The following PPP2R2B variants were observed in gnomAD, a reference collection of about 807,000 sequenced individuals.
PPP2R2B encodes serine/threonine-protein phosphatase 2A 55 kDa regulatory subunit B beta isoform.
PPP2R2B carries 5 observed loss-of-function variants against 46.0 expected under a neutral mutation model. That is an observed-to-expected ratio of 0.11 (90% CI 0.06 to 0.23). PPP2R2B has a LOEUF of 0.23. Among genes scored for constraint, PPP2R2B ranks in the 10% least tolerant of loss-of-function variants. PPP2R2B has a pLI of 1.00. For missense variants in PPP2R2B, 367 were observed against 575.0 expected, an observed-to-expected ratio of 0.64 and a Z score of 3.70; for synonymous variants, 215 against 206.7, an observed-to-expected ratio of 1.04 and a Z score of -0.34.
At chr5:146,627,545 G>T (rs2151065734) in intron 7 of PPP2R2B, among the ~76,000 whole-genome samples, 1 of 152,278 alleles carries the variant, frequency 6.6e-6, no homozygotes, top group South Asian at 2.1e-4. Flanking sequence ...GCCAGATGGG[G>T]ATTGTATAAA....
rs191470785 is a variant in PPP2R2B, at chr5:146,909,469, T to C, written c.79+146196A>G. The stretch of plus-strand genomic sequence containing the variant: ...CTTAAGAGGTCAGTAAAGCTCTTCA[T>C]TTCAAAACCTGATTTATTTGCATTC... On this transcript the variant is annotated intron_variant, in intron 1 of 8. Transcript: ENST00000336640. 3.3e-3 allele frequency among the ~76,000 whole-genome samples: 504 copies of C among 152,350 alleles called. 3 individuals carry two copies. The highest frequency in any genetic ancestry group is 6.8e-3 in the Middle Eastern group (2 of 294).
chr5:146,772,902 G>A (rs779542032), intron 2 of PPP2R2B, among the ~76,000 whole-genome samples: 3 of 152,144 alleles, frequency 2.0e-5, no homozygotes, highest in African/African-American at 4.8e-5. Context: ...TATCATTTAA[G>A]GGTTTTGATT....
At chr5:146,591,342 G>A (rs1363728252) in intron 9 of PPP2R2B, among the ~76,000 whole-genome samples, 1 of 152,172 alleles carries the variant, frequency 6.6e-6, no homozygotes, top group African/African-American at 2.4e-5. Context: ...TTAAGCAAAG[G>A]TTAGATTTTG....
chr5:146,673,234 T>C (rs1777486551), intron 5 of PPP2R2B, among the ~76,000 whole-genome samples: 2 of 152,232 alleles, frequency 1.3e-5, no homozygotes, highest in African/African-American at 4.8e-5. Context: ...TTCCAGAATC[T>C]ATCTTACCAC....
chr5:146,601,367 C>T (rs777992176), intron 7 of PPP2R2B, among the ~76,000 whole-genome samples: 13 of 152,078 alleles, frequency 8.5e-5, no homozygotes, highest in South Asian at 4.2e-4. Context: ...GAGGCCTAGG[C>T]GGGAAGATCA....
At chr5:146,893,725 G>A (rs1230011021) in intron 1 of PPP2R2B, among the ~76,000 whole-genome samples, 1 of 152,078 alleles carries the variant, frequency 6.6e-6, no homozygotes, top group Non-Finnish European at 1.5e-5. Context: ...TGGGTGGGAG[G>A]AAAGGTGGGG....
intron 2 of PPP2R2B, among the ~76,000 whole-genome samples, chr5:146,864,138 T>A (rs1398800388): frequency 6.6e-6 from 1 of 152,194 alleles, no homozygotes; most frequent in Non-Finnish European, 1.5e-5. Context: ...TATTTATCTA[T>A]TTCACAATTA....
intron 2 of PPP2R2B, among the ~76,000 whole-genome samples, chr5:146,821,002 A>G (rs1758225464): frequency 6.6e-6 from 1 of 152,048 alleles, no homozygotes; most frequent in Non-Finnish European, 1.5e-5. Flanking sequence ...ATCGCCTTCT[A>G]ATAGGCCTCC....
chr5:146,880,680 G>A (rs543853386), upstream of PPP2R2B, among the ~76,000 whole-genome samples: 141 of 152,296 alleles, frequency 9.3e-4, no homozygotes, highest in African/African-American at 3.2e-3. Context: ...GAATCAGGTA[G>A]GCCCAGGCTC....
chr5:147,074,104 C>G lies in PPP2R2B; in HGVS notation c.50+6955G>C, dbSNP rs2151912111. 2.0e-5 allele frequency among the ~76,000 whole-genome samples: 3 copies of G among 152,090 alleles called. No homozygotes were observed. In the Middle Eastern group the frequency reaches 0.01, roughly 528 times the overall value. ...CAGGTCCTTTGACTCCATCCCAGAC[C>G]TAGTGAATCAGAATCTCTAGAGGTA... On this transcript the variant is annotated intron_variant, in intron 2 of 10. Transcript: ENST00000394413.
chr5:146,734,925 C>A (rs988045170), intron 2 of PPP2R2B, among the ~76,000 whole-genome samples: 4 of 152,148 alleles, frequency 2.6e-5, no homozygotes, highest in African/African-American at 9.7e-5. Context: ...TTATTACCCG[C>A]CCCTTTCTCT....
intron 2 of PPP2R2B, among the ~76,000 whole-genome samples, chr5:147,076,172 A>T (rs2151912845): frequency 6.6e-6 from 1 of 152,270 alleles, no homozygotes; most frequent in South Asian, 2.1e-4. Flanking sequence ...AGGTGTTCAT[A>T]ACAATGTTAT....
chr5:146,628,403 C>T (rs1280891559), intron 7 of PPP2R2B, among the ~76,000 whole-genome samples: 2 of 152,216 alleles, frequency 1.3e-5, no homozygotes, highest in African/African-American at 4.8e-5. Context: ...TGCAGAAGGG[C>T]CTTGCTGCTA....
intron 5 of PPP2R2B, among the ~76,000 whole-genome samples, chr5:146,655,089 A>C (rs968963539): frequency 6.6e-6 from 1 of 152,116 alleles, no homozygotes; most frequent in African/African-American, 2.4e-5. Flanking sequence ...TGTGTTGAGC[A>C]GCTGGAATTC....
rs77458770 is a variant in PPP2R2B, at chr5:146,923,409, G to T, written c.79+132256C>A. ...GAGCGCTCTCAAGTGTGTTTGACAC[G>T]AGTGAACTGTGTTCGAGTTGATTCT... On this transcript the variant is annotated intron_variant, in intron 1 of 8. Coordinates refer to the PPP2R2B transcript ENST00000336640. Among the ~76,000 whole-genome samples, 859 of 152,274 alleles carry T rather than the reference G, an allele frequency of 5.6e-3. 27 individuals are homozygous for T. The East Asian group carries it at 0.067, about 12-fold the overall frequency.
At chr5:146,931,483 C>G (rs1763968200) in intron 1 of PPP2R2B, among the ~76,000 whole-genome samples, 1 of 152,112 alleles carries the variant, frequency 6.6e-6, no homozygotes, top group Non-Finnish European at 1.5e-5. Context: ...CAAGGGTACC[C>G]TATAGCACCA....
In PPP2R2B at chr5:146,810,241, A is replaced by G. The variant is rs367636310; in HGVS notation, c.70+67761T>C. 2.9e-4 allele frequency among the ~76,000 whole-genome samples: 44 copies of G among 152,254 alleles called. No homozygotes were observed. The South Asian group carries it at 8.9e-3, about 31-fold the overall frequency. The stretch of plus-strand genomic sequence containing the variant: ...TTTACAAAACAAAGAGGCTTAATGG[A>G]CTCACAGTTCCATGTGGCTGGGGAG... On this transcript the variant is annotated intron_variant, in intron 2 of 9. Transcript: ENST00000394411.
intron 2 of PPP2R2B, among the ~76,000 whole-genome samples, chr5:146,739,264 CT>C (rs1171272832): frequency 6.6e-6 from 1 of 152,220 alleles, no homozygotes; most frequent in African/African-American, 2.4e-5. Context: ...AAACAATCCT[CT>C]TGCCTTGGCC....
In PPP2R2B at chr5:147,026,418, A is replaced by T. The variant is rs556683524; in HGVS notation, c.79+29247T>A. Among the ~76,000 whole-genome samples, 13 of 152,216 alleles carry T rather than the reference A, an allele frequency of 8.5e-5. No individual in the cohort carries two copies. The South Asian group carries it at 2.5e-3, about 29-fold the overall frequency. On this transcript the variant is annotated intron_variant, in intron 1 of 8. Transcript: ENST00000336640. ...ATAAAATTCTAGAAAATGCAAACTA[A>T]TCTACAGTGGCAGAAAGAGGGCTAG...
Sources: allele counts gnomAD v4.1 joint callset (sites outside exome capture counted in the v4.1 genomes callset), GRCh38; gene constraint gnomAD v4.1.1; transcripts MANE v1.5; gene names NCBI Gene and HGNC (gene_info 2026-07-23, HGNC 2026-07-21).